SLFN12L: variants seen among roughly 807,000 people sequenced by gnomAD.
SLFN12L encodes the protein schlafen family member 12-like.
In SLFN12L, 34 loss-of-function variants were observed where a neutral mutation model predicts 34.8. That is an observed-to-expected ratio of 0.98 (90% CI 0.74 to 1.30). The LOEUF is 1.30. Among genes scored for constraint, SLFN12L ranks in the 50% most tolerant of loss-of-function variants. The pLI is 0.00. For missense variants in SLFN12L, 703 were observed against 696.2 expected (o/e 1.01, Z -0.11); for synonymous variants, 259 against 247.5 (o/e 1.05, Z -0.44).
At chr17:35,513,863 G>A (rs1915731253) in intron 2 of SLFN12L, among the ~76,000 whole-genome samples, 2 of 152,310 alleles carry the variant, frequency 1.3e-5, no homozygotes, top group East Asian at 1.9e-4. Flanking sequence ...TAATTTCAGT[G>A]AAAATCAACA....
chr17:35,476,401 G>A (rs1914005446), intron 4 of SLFN12L, among the ~76,000 whole-genome samples: 2 of 150,654 alleles, frequency 1.3e-5, no homozygotes, highest in East Asian at 3.9e-4. Context: ...AGGAGTTTGA[G>A]ACCAGCCTGG....
At position 35,465,159 on chromosome 17, in the gene SLFN12L, C is replaced by A. The variant is rs771877135; in HGVS notation, c.*9764G>T. On this transcript the variant is annotated 3_prime_UTR_variant, in exon 5 of 5. Transcript: ENST00000628453. ...CCTCCCAAAGTGCTGGGATTACAGG[C>A]GTGAGCCACCACGCCTGGCCAGAAC... Among the ~76,000 whole-genome samples, 1 of 152,172 alleles carries A rather than the reference C, an allele frequency of 6.6e-6. No homozygotes were observed. The highest frequency in any genetic ancestry group is 1.5e-5 in the Non-Finnish European group (1 of 68,018).
At chr17:35,484,829 C>T (rs1914513471) in intron 2 of SLFN12L, among the ~76,000 whole-genome samples, 1 of 152,138 alleles carries the variant, frequency 6.6e-6, no homozygotes, top group Non-Finnish European at 1.5e-5. Context: ...AAAAAATTTA[C>T]TCGGGTAGAA....
chr17:35,487,821 T>G, intron 2 of SLFN12L: 1 of 1,432,970 alleles, frequency 7.0e-7, no homozygotes, highest in Non-Finnish European at 9.5e-7. Context: ...GGCTAGCCCC[T>G]CGCTCAGCTG....
chr17:35,484,343 A>T (rs1835258161), intron 2 of SLFN12L, among the ~76,000 whole-genome samples: 1 of 152,202 alleles, frequency 6.6e-6, no homozygotes, highest in African/African-American at 2.4e-5. Context: ...GTTGTTTTCA[A>T]ACTGCAGGAA....
chr17:35,522,549 A>G lies in SLFN12L; in HGVS notation c.-185T>C. The G allele has an allele frequency of 6.2e-7, 1 of 1,611,074 alleles. No individual in the cohort carries two copies. Among genetic ancestry groups the G allele is most frequent in the Non-Finnish European group, 8.5e-7 (1 of 1,178,508 alleles). On this transcript the variant is annotated 5_prime_UTR_variant, in exon 2 of 5. Coordinates refer to ENST00000628453, the MANE Select transcript of SLFN12L (RefSeq NM_001363830.2). ...GAGCAAGACAATCACGAGGGACTGC[A>G]GCAGGGCTTCCAATGTGCTGGGTGC...
chr17:35,478,035 A>G, intron 4 of SLFN12L, 40 bp downstream of exon 4: 2 of 1,291,518 alleles, frequency 1.5e-6, no homozygotes, highest in Non-Finnish European at 2.2e-6. Context: ...GTTTGAACAC[A>G]GTTACACCAA....
chr17:35,474,702 A>G lies in SLFN12L; in HGVS notation c.*221T>C, dbSNP rs34656640. ...TTTGGGAGACCGGGGGGGGGGGTTG[A>G]ATCACGAGGTCAGGAGTTCAAGACC... is the stretch of plus-strand genomic sequence containing the variant. On this transcript the variant is annotated 3_prime_UTR_variant, in exon 5 of 5. Coordinates refer to ENST00000628453, the MANE Select transcript of SLFN12L (RefSeq NM_001363830.2). 0.17 allele frequency: 59,556 copies of G among 354,466 alleles called. 6,543 individuals are homozygous for G. The highest frequency in any genetic ancestry group is 0.29 in the African/African-American group (12,524 of 43,260). 22.0% of individuals were successfully genotyped at this position (354,466 alleles called of 1,614,324 possible).
Position 35,479,338 on chromosome 17 carries a change from A to G in SLFN12L, c.944T>C (p.Val315Ala). 2 of 1,589,138 alleles carry G rather than the reference A, an allele frequency of 1.3e-6. No individual in the cohort carries two copies. The highest frequency in any genetic ancestry group is 1.7e-6 in the Non-Finnish European group (2 of 1,166,050). The change falls in exon 3 of 5, where the codon GTG (valine) becomes GCG (alanine). Residue 315 changes from valine to alanine, a missense_variant. Coordinates refer to ENST00000628453, the MANE Select transcript of SLFN12L (RefSeq NM_001363830.2). The part of the protein sequence containing the change: ...VTKNSIGKLP[V>A]HHFCVEKGTI... ...CCCCTTCTCCACACAGAAGTGATGC[A>G]CAGGCAGTTTCCCAATGGAATTTTT...
At position 35,529,394 on chromosome 17, in the gene SLFN12L, A is replaced by G. The variant is rs182422532; in HGVS notation, c.-605-6425T>C. Among the ~76,000 whole-genome samples, 11 of 152,336 alleles carry G rather than the reference A, an allele frequency of 7.2e-5. No homozygotes were observed. In the East Asian group the frequency reaches 2.1e-3, roughly 29 times the overall value. ...TATTCTGCTATAAAGACACATACAC[A>G]CATATGTTTATTGTGGCACTATTCA... On this transcript the variant is annotated intron_variant, in intron 1 of 4. Transcript: ENST00000628453.
At chr17:35,498,455 T>C in intron 2 of SLFN12L, 1 of 1,280,802 alleles carries the variant, frequency 7.8e-7, no homozygotes, top group Non-Finnish European at 1.1e-6. Context: ...TGCGGAATTT[T>C]CTCATCGATT....
intron 2 of SLFN12L, chr17:35,490,188 T>G: frequency 6.2e-7 from 1 of 1,603,490 alleles, no homozygotes; most frequent in Non-Finnish European, 8.5e-7. Context: ...CCACCAGCGC[T>G]GGGACGAGGC....
At position 35,479,528 on chromosome 17, in the gene SLFN12L, A is replaced by G; in HGVS notation, c.754T>C (p.Ser252Pro). ...ATTCGTTGTAACAACTTTTCAGTCG[A>G]GAAGTTTTTTATTTCAACGTGTGTG... ...ESTHVEIKNF[S>P]TEKLLQRITE... The change falls in exon 3 of 5, where the codon TCG becomes CCG. Residue 252 changes from serine (S) to proline (P), a missense_variant. Coordinates refer to ENST00000628453, the MANE Select transcript of SLFN12L (RefSeq NM_001363830.2). 4 of 1,614,214 alleles carry G rather than the reference A, an allele frequency of 2.5e-6. No homozygotes were observed. Among genetic ancestry groups the G allele is most frequent in the Non-Finnish European group, 3.4e-6 (4 of 1,180,032 alleles).
intron 2 of SLFN12L, among the ~76,000 whole-genome samples, chr17:35,483,347 G>C (rs913527219): frequency 1.3e-5 from 2 of 152,056 alleles, no homozygotes; most frequent in Non-Finnish European, 2.9e-5. Flanking sequence ...ATTCTTCCTG[G>C]ACACAGGACA....
chr17:35,512,378 TTTTTTG>T (rs1915679686), intron 2 of SLFN12L, among the ~76,000 whole-genome samples: 1 of 139,114 alleles, frequency 7.2e-6, no homozygotes, highest in Admixed American at 7.1e-5. Context: ...TTTTTTTTTT[TTTTTTG>T]AAACGGAGTC....
chr17:35,469,168 C>G lies in SLFN12L; in HGVS notation c.*5755G>C, dbSNP rs966272862. ...CAAGCTTTCCCCCGTGACTTCCTGC[C>G]CTGTGTCTCTGACCATGACCACTCC... On this transcript the variant is annotated 3_prime_UTR_variant, in exon 5 of 5. Transcript: ENST00000628453. Among the ~76,000 whole-genome samples, 10 of 150,846 alleles carry G rather than the reference C, an allele frequency of 6.6e-5. No homozygotes were observed. Among genetic ancestry groups the G allele is most frequent in the Middle Eastern group, 6.8e-3 (2 of 294 alleles).
chr17:35,507,285 T>C (rs1446980827), intron 2 of SLFN12L, among the ~76,000 whole-genome samples: 1 of 152,164 alleles, frequency 6.6e-6, no homozygotes, highest in Non-Finnish European at 1.5e-5. Flanking sequence ...TAATATAATA[T>C]TATGGGCCTG....
intron 2 of SLFN12L, among the ~76,000 whole-genome samples, chr17:35,508,277 G>A (rs957581255): frequency 3.9e-5 from 6 of 152,184 alleles, no homozygotes; most frequent in African/African-American, 1.2e-4. Context: ...TTTTGGAGAC[G>A]TGAGTCTGCT....
At chr17:35,528,707 G>T (rs1369337518) in intron 1 of SLFN12L, among the ~76,000 whole-genome samples, 1 of 152,170 alleles carries the variant, frequency 6.6e-6, no homozygotes, top group African/African-American at 2.4e-5. Context: ...ATGGATTAAA[G>T]ACTTAAATGT....
Sources: allele counts gnomAD v4.1 joint callset (sites outside exome capture counted in the v4.1 genomes callset), GRCh38; gene constraint gnomAD v4.1.1; transcripts MANE v1.5; gene names NCBI Gene and HGNC (gene_info 2026-07-23, HGNC 2026-07-21).